Variants in ARHGEF12 observed in about 807,000 individuals in gnomAD.
ARHGEF12 encodes the protein KMT2A/ARHGEF12 fusion protein.
Under a neutral mutation model 211.2 loss-of-function variants are expected in ARHGEF12, and 66 were observed. That is an observed-to-expected ratio of 0.31 (90% CI 0.26 to 0.38). The LOEUF (loss-of-function observed/expected upper bound fraction) is 0.38, where lower values mean the gene tolerates loss of function less well. Among genes scored for constraint, ARHGEF12 ranks in the 10% least tolerant of loss-of-function variants. The pLI is 1.00. For synonymous variants in ARHGEF12, 592 were observed against 638.4 expected, an observed-to-expected ratio of 0.93 and a Z score of 1.09; for missense variants, 1,429 against 1,869.5, an observed-to-expected ratio of 0.76 and a Z score of 4.34.
Position 120,485,979 on chromosome 11 carries a change from A to G in ARHGEF12, c.*902A>G, listed in dbSNP as rs2136036873. ...GGTATCATTTCATTTTTATAATTATACATTAGACATTGGCACTTGTGTAAA... is the reference window on the plus strand; with the variant it reads ...GGTATCATTTCATTTTTATAATTATGCATTAGACATTGGCACTTGTGTAAA... On this transcript the variant is annotated 3_prime_UTR_variant, in exon 41 of 41. Coordinates refer to ENST00000397843, the MANE Select transcript of ARHGEF12 (RefSeq NM_015313.3). 1 of 233,506 alleles carries G rather than the reference A, an allele frequency of 4.3e-6. No individual in the cohort carries two copies. Among genetic ancestry groups the G allele is most frequent in the Non-Finnish European group, 8.5e-6 (1 of 117,940 alleles). 14.5% of individuals were successfully genotyped at this position (233,506 alleles called of 1,614,324 possible). A position where few individuals can be genotyped will look rare whatever the true frequency, so the allele number is the denominator to read the frequency against.
intron 21 of ARHGEF12, 64 bp from the exon 22 acceptor site, chr11:120,451,448 A>T: frequency 6.5e-7 from 1 of 1,535,842 alleles, no homozygotes; most frequent in Middle Eastern, 2.3e-4. Flanking sequence ...AAGTGTTGGG[A>T]TTATAGGCTT....
At chr11:120,483,683 C>T (rs985824459) in intron 39 of ARHGEF12, among the ~76,000 whole-genome samples, 1 of 152,098 alleles carries the variant, frequency 6.6e-6, no homozygotes, top group African/African-American at 2.4e-5. Context: ...GGCATGATCT[C>T]TCCTCACTGC....
rs35912781 is a variant in ARHGEF12, at chr11:120,489,562, G to A, written c.*4485G>A. The A allele has an allele frequency of 0.18, 38,119 of 217,290 alleles. 3,991 individuals carry two copies. Among genetic ancestry groups the A allele is most frequent in the Non-Finnish European group, 0.23 (24,418 of 108,024 alleles). The allele number at this position is 217,290 out of a possible 1,614,324, so 13.5% of individuals were successfully genotyped here. ...AACAGCATTTTAGCTCAGAAGGCTC[G>A]CTTACTTTGGGCATTTGCTGTATTT... On this transcript the variant is annotated 3_prime_UTR_variant, in exon 41 of 41. Transcript: ENST00000397843.
chr11:120,444,880 CA>C (rs1945997991), intron 15 of ARHGEF12, among the ~76,000 whole-genome samples: 1 of 152,080 alleles, frequency 6.6e-6, no homozygotes, highest in Non-Finnish European at 1.5e-5. Flanking sequence ...TTTAAAACTC[CA>C]AAAACTCAAC....
chr11:120,382,816 G>A (rs1397982889), intron 1 of ARHGEF12, among the ~76,000 whole-genome samples: 1 of 152,164 alleles, frequency 6.6e-6, no homozygotes, highest in Non-Finnish European at 1.5e-5. Context: ...AAGCATTGGG[G>A]TTTGGAATAA....
intron 1 of ARHGEF12, among the ~76,000 whole-genome samples, chr11:120,365,278 A>G (rs1169804897): frequency 1.3e-5 from 2 of 152,052 alleles, no homozygotes; most frequent in Non-Finnish European, 2.9e-5. Flanking sequence ...CTTTATTTTA[A>G]TGGAAAGGTA....
At chr11:120,453,660 T>C (rs1946277207) in intron 22 of ARHGEF12, among the ~76,000 whole-genome samples, 1 of 152,176 alleles carries the variant, frequency 6.6e-6, no homozygotes, top group African/African-American at 2.4e-5. Flanking sequence ...AAGGCTGCAG[T>C]GAGCCATGTT....
At chr11:120,451,344 A>G (rs1404530036) in intron 21 of ARHGEF12, 168 bp from the exon 22 acceptor site, 3 of 545,122 alleles carry the variant, frequency 5.5e-6, no homozygotes, top group Non-Finnish European at 9.7e-6. Context: ...ACGCCCAGCT[A>G]ATTTTTGTAT....
chr11:120,392,151 AGCG>A (rs1255460966), intron 1 of ARHGEF12, among the ~76,000 whole-genome samples: 2 of 152,160 alleles, frequency 1.3e-5, no homozygotes, highest in Non-Finnish European at 2.9e-5. Flanking sequence ...CTTAAGCCAC[AGCG>A]GACTTTGTAT....
chr11:120,485,001 T>A, intron 40 of ARHGEF12, 66 bp from the exon 41 acceptor site: 2 of 1,518,180 alleles, frequency 1.3e-6, no homozygotes, highest in South Asian at 2.3e-5. Context: ...ATGTCATGGG[T>A]ATTCTTTGCA....
At chr11:120,359,121 C>A (rs577188309) in intron 1 of ARHGEF12, among the ~76,000 whole-genome samples, 1 of 152,086 alleles carries the variant, frequency 6.6e-6, no homozygotes, top group African/African-American at 2.4e-5. Context: ...GAGCTGACCT[C>A]AAAAGTCACA....
Position 120,429,744 on chromosome 11 carries a change from C to T in ARHGEF12, c.696C>T (p.Ala232=), listed in dbSNP as rs1565475007. 4 of 1,613,390 alleles carry T rather than the reference C, an allele frequency of 2.5e-6. No individual in the cohort carries two copies. The highest frequency in any genetic ancestry group is 1.3e-5 in the African/African-American group (1 of 74,834). ...AGGAAGATTACAACCGAACACCTGC[C>T]CAAAGATTGCTAAAAGAGATCCAAG... is the stretch of plus-strand genomic sequence containing the variant. The part of the protein sequence containing the change: ...LLQEDYNRTP[A]QRLLKEIQEA... The change falls in exon 10 of 41, where the codon GCC becomes GCT. Residue 232 remains alanine (A), a synonymous_variant. Coordinates refer to ENST00000397843, the MANE Select transcript of ARHGEF12 (RefSeq NM_015313.3).
chr11:120,452,061 G>A (rs1392409732), intron 22 of ARHGEF12, among the ~76,000 whole-genome samples: 1 of 152,196 alleles, frequency 6.6e-6, no homozygotes, highest in African/African-American at 2.4e-5. Flanking sequence ...GTCCAATCAA[G>A]GGAAGGTAAA....
intron 25 of ARHGEF12, 101 bp downstream of exon 25, chr11:120,458,335 C>G (rs1946425681): frequency 1.4e-6 from 2 of 1,397,020 alleles, no homozygotes; most frequent in South Asian, 2.6e-5. Flanking sequence ...TTTCTCCTAG[C>G]CTTTTGTTTT....
intron 4 of ARHGEF12, among the ~76,000 whole-genome samples, chr11:120,413,965 CCTT>C (rs1944955737): frequency 6.6e-6 from 1 of 152,132 alleles, no homozygotes. Flanking sequence ...GGAGTTATGG[CCTT>C]CTTTCAGGAA....
Position 120,454,120 on chromosome 11 carries a change from A to T in ARHGEF12, c.2056+2396A>T, listed in dbSNP as rs548253115. Among the ~76,000 whole-genome samples, 3 of 152,330 alleles carry T rather than the reference A, an allele frequency of 2.0e-5. No homozygotes were observed. The South Asian group carries it at 6.2e-4, about 32-fold the overall frequency. Reference sequence around the variant, plus strand: ...AAGCCTGACACTAGGCATGCCGGCAACCCACTGTGCTCAGAGAGCTCTCAA... The same window carrying T: ...AAGCCTGACACTAGGCATGCCGGCATCCCACTGTGCTCAGAGAGCTCTCAA... On this transcript the variant is annotated intron_variant, in intron 22 of 40. Transcript: ENST00000397843.
intron 31 of ARHGEF12, among the ~76,000 whole-genome samples, chr11:120,473,592 G>A (rs952518036): frequency 3.3e-5 from 5 of 152,118 alleles, no homozygotes; most frequent in East Asian, 1.9e-4. Flanking sequence ...TAAAGACAAG[G>A]TCTCGCTGTG....
At chr11:120,423,409 C>G (rs888199085) in intron 6 of ARHGEF12, among the ~76,000 whole-genome samples, 1 of 152,024 alleles carries the variant, frequency 6.6e-6, no homozygotes, top group Non-Finnish European at 1.5e-5. Context: ...AGGAACTTAT[C>G]TGAGGAAATA....
intron 1 of ARHGEF12, among the ~76,000 whole-genome samples, chr11:120,355,760 A>G (rs1423034535): frequency 1.3e-5 from 2 of 152,216 alleles, no homozygotes; most frequent in Non-Finnish European, 2.9e-5. Flanking sequence ...GATTCATTAC[A>G]TTTGCTACTG....
Sources: gnomAD v4.1 joint callset for allele counts (sites outside exome capture counted in the v4.1 genomes callset) on GRCh38, gnomAD v4.1.1 for gene constraint, MANE v1.5 for transcripts, NCBI Gene and HGNC (gene_info 2026-07-23, HGNC 2026-07-21) for gene names.